The following PCDHGB2 variants were observed in gnomAD, a reference collection of about 807,000 sequenced individuals.
The protein encoded by PCDHGB2 is protocadherin gamma-B2.
Under a neutral mutation model 59.3 loss-of-function variants are expected in PCDHGB2, and 55 were observed. The ratio of observed to expected loss-of-function variants is 0.93; its 90% CI spans 0.75 to 1.16. The LOEUF is 1.16. PCDHGB2 is among the 50% of genes most tolerant of loss of function. The pLI is 0.00. For synonymous variants in PCDHGB2, 516 were observed against 512.0 expected, an observed-to-expected ratio of 1.01 and a Z score of -0.11; for missense variants, 1,228 against 1,198.5, an observed-to-expected ratio of 1.02 and a Z score of -0.36.
At chr5:141,368,558 T>C (rs2149928409) in intron 1 of PCDHGB2, among the ~76,000 whole-genome samples, 1 of 152,140 alleles carries the variant, frequency 6.6e-6, no homozygotes, top group East Asian at 1.9e-4. Context: ...TAAAAGAAAA[T>C]GTTATATGCT....
intron 1 of PCDHGB2, chr5:141,427,786 C>G: frequency 1.4e-6 from 2 of 1,477,082 alleles, no homozygotes; most frequent in Non-Finnish European, 1.9e-6. Flanking sequence ...GCACTGTCGT[C>G]CTACGTGTCC....
At chr5:141,410,337 C>T (rs1196366344) in intron 1 of PCDHGB2, 1 of 1,613,930 alleles carries the variant, frequency 6.2e-7, no homozygotes, top group Non-Finnish European at 8.5e-7. Context: ...CTGGCCATTG[C>T]CTTGCGCCTG....
At chr5:141,418,655 G>A in intron 1 of PCDHGB2, 5 of 1,614,002 alleles carry the variant, frequency 3.1e-6, no homozygotes, top group Non-Finnish European at 4.2e-6. Flanking sequence ...GAGAGTGAAG[G>A]CCACTGACCA....
In PCDHGB2 at chr5:141,360,810, G is replaced by C; in HGVS notation, c.675G>C (p.Thr225=). ...VDGGDPPQSG[T]TQIRIKVTDA... Reference sequence around the variant, plus strand: ...GCGGAGACCCACCTCAAAGTGGCACGACCCAAATCCGAATCAAAGTCACGG... The same window carrying C: ...GCGGAGACCCACCTCAAAGTGGCACCACCCAAATCCGAATCAAAGTCACGG... The change falls in exon 1 of 4, where the codon ACG becomes ACC. Residue 225 remains threonine, a synonymous_variant. Transcript: ENST00000522605. 3 of 1,613,878 alleles carry C rather than the reference G, an allele frequency of 1.9e-6. No homozygotes were observed. The highest frequency in any genetic ancestry group is 2.5e-6 in the Non-Finnish European group (3 of 1,179,888).
chr5:141,387,122 A>G (rs960154825), intron 1 of PCDHGB2, among the ~76,000 whole-genome samples: 24 of 152,234 alleles, frequency 1.6e-4, no homozygotes, highest in African/African-American at 5.5e-4. Flanking sequence ...CTGTAATGAA[A>G]TCACTGAAAC....
At chr5:141,389,161 G>A (rs2091630816) in intron 1 of PCDHGB2, 1 of 1,613,878 alleles carries the variant, frequency 6.2e-7, no homozygotes, top group African/African-American at 1.3e-5. Flanking sequence ...ACAGATCGGG[G>A]CAAGCCTCCC....
intron 2 of PCDHGB2, among the ~76,000 whole-genome samples, chr5:141,495,250 A>G (rs557893500): frequency 6.6e-6 from 1 of 152,188 alleles, no homozygotes; most frequent in Non-Finnish European, 1.5e-5. Context: ...CCTGGGGCTC[A>G]GGCAGAAAAG....
chr5:141,423,213 C>A, intron 1 of PCDHGB2: 1 of 1,613,710 alleles, frequency 6.2e-7, no homozygotes, highest in Non-Finnish European at 8.5e-7. Flanking sequence ...TCACGCTCAC[C>A]GTGGCTGTGG....
intron 1 of PCDHGB2, chr5:141,371,795 T>C (rs748704102): frequency 1.2e-6 from 2 of 1,613,908 alleles, no homozygotes; most frequent in Non-Finnish European, 1.7e-6. Flanking sequence ...ACAATCCGCC[T>C]GGAGCCTCCA....
chr5:141,383,308 G>T, intron 1 of PCDHGB2: 1 of 1,613,976 alleles, frequency 6.2e-7, no homozygotes, highest in Non-Finnish European at 8.5e-7. Context: ...CTTGACGGAA[G>T]AAATAAATGT....
Position 141,511,030 on chromosome 5 carries a change from C to A in PCDHGB2, c.2653C>A (p.Gln885Lys). 9 of 1,614,224 alleles carry A rather than the reference C, an allele frequency of 5.6e-6. No individual in the cohort carries two copies. Among genetic ancestry groups the A allele is most frequent in the Non-Finnish European group, 7.6e-6 (9 of 1,180,032 alleles). Residue 885 changes from glutamine (Q) to lysine (K), a missense_variant, in exon 4 of 4, where the codon CAG (glutamine) becomes AAG (lysine). Transcript: ENST00000522605. ...SARYGPQFTLQHVPDYRQNVY... is the reference protein window; with the variant it reads ...SARYGPQFTLKHVPDYRQNVY... ...CCGCTACGGACCCCAGTTCACCCTGCAGCACGTGCCCGACTACCGCCAGAA... is the reference window on the plus strand; with the variant it reads ...CCGCTACGGACCCCAGTTCACCCTGAAGCACGTGCCCGACTACCGCCAGAA...
intron 1 of PCDHGB2, chr5:141,409,009 G>A (rs1189849996): frequency 6.2e-7 from 1 of 1,613,994 alleles, no homozygotes. Context: ...CCACTGACCA[G>A]GATGAGGGGG....
intron 1 of PCDHGB2, chr5:141,384,877 C>T (rs2150276041): frequency 6.2e-7 from 1 of 1,613,844 alleles, no homozygotes; most frequent in African/African-American, 1.3e-5. Context: ...CACCGTCACA[C>T]TCACCGTGGC....
Position 141,477,198 on chromosome 5 carries a change from TACCCGAGGATG to T in PCDHGB2, c.2422-17608_2422-17598del. 6.2e-7 allele frequency: 1 copy of T among 1,614,194 alleles called. No homozygotes were observed. The highest frequency in any genetic ancestry group is 2.2e-5 in the East Asian group (1 of 44,874). On this transcript the variant is annotated intron_variant, in intron 1 of 3. Transcript: ENST00000522605. The surrounding 1 kb of genome is among the most constrained non-coding windows in gnomAD (Gnocchi z 4.9). ...ACAGTCACCTCCGTGTACAGCCCAG[TACCCGAGGATG>T]CCCCTCTGGGGACTGTCATCGCTTT...
intron 1 of PCDHGB2, among the ~76,000 whole-genome samples, chr5:141,439,495 C>A (rs142329128): frequency 6.6e-6 from 1 of 152,206 alleles, no homozygotes; most frequent in Non-Finnish European, 1.5e-5. Context: ...CAGTGAGAAA[C>A]GTCTTTCTCT....
chr5:141,491,407 G>A lies in PCDHGB2; in HGVS notation c.2422-3400G>A. ...GAAGTGCCTTCAGGGAAACGCAGAC[G>A]GGGACGGGGGTGGAGGGCAGTGCTG... is the stretch of plus-strand genomic sequence containing the variant. On this transcript the variant is annotated intron_variant, in intron 1 of 3. Transcript: ENST00000522605. The surrounding 1 kb of genome is among the most constrained non-coding windows in gnomAD (Gnocchi z 6.9). The A allele has an allele frequency of 6.2e-7, 1 of 1,614,116 alleles. No individual in the cohort carries two copies. The highest frequency in any genetic ancestry group is 8.5e-7 in the Non-Finnish European group (1 of 1,180,000).
At chr5:141,376,598 T>C (rs1266574901) in intron 1 of PCDHGB2, 35 of 1,542,956 alleles carry the variant, frequency 2.3e-5, no homozygotes, top group Admixed American at 1.7e-4. Context: ...TCGGCTGTTA[T>C]AGAAGCGAAC....
Position 141,434,824 on chromosome 5 carries a change from A to C in PCDHGB2, c.2422-59983A>C, listed in dbSNP as rs143305842. ...CTTGGAGAAATATATCCCTTAGTACACTTGGCATTTATAAAGCAGACATCA... is the reference window on the plus strand; with the variant it reads ...CTTGGAGAAATATATCCCTTAGTACCCTTGGCATTTATAAAGCAGACATCA... On this transcript the variant is annotated intron_variant, in intron 1 of 3. Coordinates refer to ENST00000522605, the MANE Select transcript of PCDHGB2 (RefSeq NM_018923.3). 7.9e-4 allele frequency among the ~76,000 whole-genome samples: 120 copies of C among 152,004 alleles called. 2 individuals are homozygous for C. The highest frequency in any genetic ancestry group is 2.8e-3 in the African/African-American group (115 of 41,454).
At chr5:141,405,757 C>T (rs754575292) in intron 1 of PCDHGB2, among the ~76,000 whole-genome samples, 13 of 152,264 alleles carry the variant, frequency 8.5e-5, no homozygotes, top group East Asian at 3.9e-4. Context: ...GGATTACAGG[C>T]GTGAGCCACT....
Sources: gnomAD v4.1 joint callset for allele counts (sites outside exome capture counted in the v4.1 genomes callset) on GRCh38, gnomAD v4.1.1 for gene constraint, Gnocchi (gnomAD v3.1) non-coding constraint, MANE v1.5 for transcripts, NCBI Gene and HGNC (gene_info 2026-07-23, HGNC 2026-07-21) for gene names.